Variants in PGAP4 observed in about 807,000 individuals in gnomAD.
PGAP4 encodes GPI-N-acetylgalactosamine transferase PGAP4.
Under a neutral mutation model 28.2 loss-of-function variants are expected in PGAP4, and 12 were observed. The observed-to-expected ratio is 0.42, with a 90% confidence interval of 0.27 to 0.69. The LOEUF (loss-of-function observed/expected upper bound fraction) is 0.69, where lower values mean the gene tolerates loss of function less well. PGAP4 is among the 30% of genes least tolerant of loss of function. The probability of loss-of-function intolerance (pLI) is 0.22; values close to 1 mark genes in which losing one functional copy is unlikely to be tolerated. For synonymous variants in PGAP4, 205 were observed against 211.8 expected (o/e 0.97, Z 0.28); for missense variants, 425 against 513.5 (o/e 0.83, Z 1.67).
chr9:101,513,695 TAGAC>T (rs35718072), intron 2 of PGAP4, among the ~76,000 whole-genome samples: 24,967 of 151,966 alleles, frequency 0.16, 2,204 homozygotes, highest in East Asian at 0.24. Flanking sequence ...GGTAGATAGA[TAGAC>T]AGATAGATAA....
At chr9:101,513,931 G>C (rs73659520) in intron 2 of PGAP4, among the ~76,000 whole-genome samples, 81 of 152,218 alleles carry the variant, frequency 5.3e-4, no homozygotes, top group African/African-American at 1.9e-3. Context: ...AATCTGGAGA[G>C]CCTGGAGTTC....
Position 101,476,441 on chromosome 9 carries a change from C to T in PGAP4, c.652G>A (p.Glu218Lys), listed in dbSNP as rs1348309153. ...TGCTCCAAGACTGGGAAGATCTGCT[C>T]TTCTGGTACAGCATCGTCTTCTACC... Reference protein sequence around the residue: ...LMVEDDAVPEEQIFPVLEHLL... With the variant: ...LMVEDDAVPEKQIFPVLEHLL... Residue 218 changes from glutamate (E) to lysine (K), a missense_variant, in exon 2 of 2, where the codon GAG (glutamate) becomes AAG (lysine). Glu to Lys is a moderately conservative substitution (Grantham distance 56, BLOSUM62 1). Transcript: ENST00000374848. The surrounding 1 kb of genome is among the most constrained non-coding windows in gnomAD (Gnocchi z 7.0). 2 of 1,614,118 alleles carry T rather than the reference C, an allele frequency of 1.2e-6. No individual in the cohort carries two copies. Among genetic ancestry groups the T allele is most frequent in the South Asian group, 1.1e-5 (1 of 91,070 alleles).
intron 2 of PGAP4, among the ~76,000 whole-genome samples, chr9:101,520,898 G>A (rs547231978): frequency 8.9e-5 from 13 of 146,622 alleles, no homozygotes; most frequent in Non-Finnish European, 1.4e-4. Flanking sequence ...TCCCTTGTGT[G>A]CTGATTTTGC....
intron 2 of PGAP4, among the ~76,000 whole-genome samples, chr9:101,529,331 T>A (rs916440047): frequency 6.6e-6 from 1 of 152,034 alleles, no homozygotes; most frequent in Admixed American, 6.5e-5. Context: ...AATTTTGTAT[T>A]TTTAGTAGGG....
At position 101,475,998 on chromosome 9, in the gene PGAP4, T is replaced by G. The variant is rs1262667933; in HGVS notation, c.1095A>C (p.Ala365=). Residue 365 remains alanine, a synonymous_variant, in exon 2 of 2, where the codon GCA becomes GCC. Transcript: ENST00000374848. ...CCTTGGCCCTCAACAGCGAGTACAG[T>G]GCCATGTCCTTGCCAAAGCCCTTGT... ...YCHKGFGKDM[A]LYSLLRAKGE... 2 of 1,614,094 alleles carry G rather than the reference T, an allele frequency of 1.2e-6. No homozygotes were observed. The highest frequency in any genetic ancestry group is 1.7e-6 in the Non-Finnish European group (2 of 1,180,022).
At chr9:101,531,529 C>G (rs1477967474) in exon 2 of PGAP4, 3 of 152,202 alleles carry the variant, frequency 2.0e-5, no homozygotes, top group African/African-American at 4.8e-5. Flanking sequence ...TCTCAGGAAG[C>G]CTCCAACAGT....
chr9:101,478,628 A>G (rs1403405683), intron 1 of PGAP4, among the ~76,000 whole-genome samples: 1 of 152,200 alleles, frequency 6.6e-6, no homozygotes, highest in Non-Finnish European at 1.5e-5. Context: ...GGGACAAGGT[A>G]GTTGAGAACA....
At chr9:101,504,221 T>G (rs1477975298) in intron 2 of PGAP4, among the ~76,000 whole-genome samples, 3 of 140,736 alleles carry the variant, frequency 2.1e-5, no homozygotes, top group African/African-American at 5.3e-5. Context: ...TTTTTTTTTT[T>G]TTTTTTTTTT....
chr9:101,495,165 T>C lies in PGAP4; in HGVS notation c.-164-5965A>G, dbSNP rs543376549. 6.2e-4 allele frequency among the ~76,000 whole-genome samples: 68 copies of C among 109,984 alleles called. 1 individual carries two copies. Among genetic ancestry groups the C allele is most frequent in the African/African-American group, 2.1e-3 (63 of 29,388 alleles). 72.2% of individuals were successfully genotyped at this position (109,984 alleles called of 152,430 possible). On this transcript the variant is annotated intron_variant, in intron 2 of 3. Transcript: ENST00000374851. ...GATTTTATATATATTATATATTTTA[T>C]ATATATTATATATATTTTTTGTATA...
chr9:101,532,261 C>A (rs1380968114), intron 1 of PGAP4, among the ~76,000 whole-genome samples: 1 of 148,804 alleles, frequency 6.7e-6, no homozygotes, highest in Non-Finnish European at 1.5e-5. Flanking sequence ...CAGAGTAAGA[C>A]TCTGTCTCGA....
chr9:101,519,999 T>A (rs1278879167), intron 2 of PGAP4, among the ~76,000 whole-genome samples: 1 of 152,196 alleles, frequency 6.6e-6, no homozygotes, highest in South Asian at 2.1e-4. Flanking sequence ...CTTTTATGTT[T>A]TGTTTGCTTT....
intron 2 of PGAP4, chr9:101,501,716 G>A: frequency 1.9e-6 from 1 of 519,176 alleles, no homozygotes; most frequent in South Asian, 1.4e-5. Flanking sequence ...TAGATCATTG[G>A]GACCCAGTTT....
chr9:101,515,171 C>A (rs1235919023), intron 2 of PGAP4, among the ~76,000 whole-genome samples: 1 of 152,120 alleles, frequency 6.6e-6, no homozygotes, highest in Non-Finnish European at 1.5e-5. Context: ...GGCAGAGTTG[C>A]TCCTTTTGAA....
chr9:101,482,263 T>C (rs1380322856), intron 1 of PGAP4, among the ~76,000 whole-genome samples: 12 of 152,104 alleles, frequency 7.9e-5, no homozygotes, highest in Admixed American at 7.9e-4. Context: ...CTGGCAAACA[T>C]GGTGAAACGC....
At chr9:101,485,592 G>A (rs537739760) in intron 1 of PGAP4, among the ~76,000 whole-genome samples, 1 of 152,192 alleles carries the variant, frequency 6.6e-6, no homozygotes, top group South Asian at 2.1e-4. Flanking sequence ...AAATGCAAAA[G>A]GCTACTACAC....
chr9:101,494,605 T>C (rs1320388574), intron 2 of PGAP4, among the ~76,000 whole-genome samples: 2 of 151,876 alleles, frequency 1.3e-5, no homozygotes, highest in Non-Finnish European at 2.9e-5. Flanking sequence ...GTTATGGAAA[T>C]TTTCATTTAG....
intron 1 of PGAP4, chr9:101,481,238 C>T: frequency 6.6e-6 from 1 of 152,280 alleles, no homozygotes; most frequent in East Asian, 1.9e-4. Context: ...CTTAGGGGAA[C>T]AGATATAAAA....
rs1187993469 is a variant in PGAP4 at position 101,502,872 on chromosome 9, G to T, written c.-164-13672C>A. Among the ~76,000 whole-genome samples, 4 of 152,128 alleles carry T rather than the reference G, an allele frequency of 2.6e-5. No individual in the cohort carries two copies. The South Asian group carries it at 8.3e-4, about 32-fold the overall frequency. On this transcript the variant is annotated intron_variant, in intron 2 of 3. Coordinates refer to the PGAP4 transcript ENST00000374851. ...TAATCATAATTTTGATGCACTTTGG[G>T]CCAAAAGTTCCTTTTTTTCATGGGG...
intron 2 of PGAP4, among the ~76,000 whole-genome samples, chr9:101,522,803 T>G (rs1826999688): frequency 1.3e-5 from 2 of 152,212 alleles, no homozygotes; most frequent in Non-Finnish European, 2.9e-5. Context: ...TTAACTTGTA[T>G]TTTTGTTTTA....
Sources: gnomAD v4.1 joint callset for allele counts (sites outside exome capture counted in the v4.1 genomes callset) on GRCh38, gnomAD v4.1.1 for gene constraint, Gnocchi (gnomAD v3.1) non-coding constraint, MANE v1.5 for transcripts, NCBI Gene and HGNC (gene_info 2026-07-23, HGNC 2026-07-21) for gene names.